The following GYPB variants were observed in gnomAD, a reference collection of about 807,000 sequenced individuals.
GYPB encodes glycophorin B (MNS blood group).
GYPB carries 13 observed loss-of-function variants against 15.3 expected under a neutral mutation model. The observed-to-expected ratio is 0.85, with a 90% CI of 0.55 to 1.35. The LOEUF (loss-of-function observed/expected upper bound fraction) is 1.35, where lower values mean the gene tolerates loss of function less well. GYPB is among the 40% of genes most tolerant of loss of function. The probability of loss-of-function intolerance (pLI) is 0.00; values close to 1 mark genes in which losing one functional copy is unlikely to be tolerated. For missense variants in GYPB, 131 were observed against 108.3 expected (o/e 1.21, Z -0.93); for synonymous variants, 38 against 36.9 (o/e 1.03, Z -0.11).
intron 3 of GYPB, among the ~76,000 whole-genome samples, 163 bp from the exon 4 acceptor site, chr4:143,997,797 C>A (rs1727405368): frequency 6.6e-6 from 1 of 151,336 alleles, no homozygotes; most frequent in Admixed American, 6.6e-5. Flanking sequence ...GTGTGCTTTA[C>A]AGTAACCTTG....
In GYPB at chr4:143,997,598, A is replaced by C; in HGVS notation, c.212T>G (p.Met71Arg). 1 of 1,597,258 alleles carries C rather than the reference A, an allele frequency of 6.3e-7. No individual in the cohort carries two copies. ...VVIILIILCVMAGIIGTILLI... is the reference protein window; with the variant it reads ...VVIILIILCVRAGIIGTILLI... ...GAGGATCGTTCCAATAATACCAGCC[A>C]TCACACACAAAATAATGAGTATTAT... Residue 71 changes from methionine (M) to arginine (R), a missense_variant, in exon 4 of 5, where the codon ATG (methionine) becomes AGG (arginine). By Grantham distance (91) the Met-to-Arg change is moderately conservative (BLOSUM62 -1). Transcript: ENST00000502664.
intron 1 of GYPB, among the ~76,000 whole-genome samples, chr4:144,003,861 T>A (rs1413464984): frequency 6.6e-6 from 1 of 151,402 alleles, no homozygotes; most frequent in African/African-American, 2.5e-5. Flanking sequence ...GGCTTTAAAA[T>A]GTGTCCTAAG....
chr4:143,999,584 TC>T (rs1326995456), intron 2 of GYPB, 135 bp from the exon 3 acceptor site: 2 of 603,812 alleles, frequency 3.3e-6, no homozygotes, highest in Non-Finnish European at 6.0e-6. Flanking sequence ...ACTTTCAACA[TC>T]TAGCTAGTAA....
Position 143,999,736 on chromosome 4 carries a change from A to C in GYPB, c.137-287T>G, listed in dbSNP as rs1579048083. ...GGAATGAGAAAGTATTGGAAGAATC[A>C]CTTATTGACTTACACAAGAAGCAAT... is the stretch of plus-strand genomic sequence containing the variant. On this transcript the variant is annotated intron_variant, in intron 2 of 4. Transcript: ENST00000502664. Among the ~76,000 whole-genome samples the C allele has an allele frequency of 2.0e-5, 3 of 151,600 alleles. No individual in the cohort carries two copies. In the South Asian group the frequency reaches 6.2e-4, roughly 31 times the overall value.
chr4:144,002,356 C>T (rs1336962352), intron 1 of GYPB, among the ~76,000 whole-genome samples: 1 of 151,364 alleles, frequency 6.6e-6, no homozygotes, highest in African/African-American at 2.5e-5. Context: ...ATAATGTTTA[C>T]AAGTCTGACT....
chr4:144,019,200 T>G, intron 1 of GYPB, 51 bp downstream of exon 1: 1 of 1,608,580 alleles, frequency 6.2e-7, no homozygotes, highest in South Asian at 1.1e-5. Flanking sequence ...TATTTTATTC[T>G]ATGATCTCAT....
intron 1 of GYPB, among the ~76,000 whole-genome samples, chr4:144,008,860 G>T (rs1200256386): frequency 2.6e-5 from 4 of 151,460 alleles, no homozygotes; most frequent in Non-Finnish European, 5.9e-5. Flanking sequence ...GGATTCTGAT[G>T]TGCGGCCAGC....
At chr4:143,998,421 A>G (rs1310484709) in intron 3 of GYPB, among the ~76,000 whole-genome samples, 6 of 151,354 alleles carry the variant, frequency 4.0e-5, no homozygotes, top group Non-Finnish European at 8.8e-5. Flanking sequence ...ATTATTCACA[A>G]AAAGTAAAAG....
chr4:144,017,613 AT>A (rs5862682), intron 1 of GYPB, among the ~76,000 whole-genome samples: 35 of 151,120 alleles, frequency 2.3e-4, no homozygotes, highest in African/African-American at 6.7e-4. Context: ...AGTTGTAGAA[AT>A]TTAAAAAAAA....
chr4:144,012,695 G>A (rs1728278469), intron 1 of GYPB: 1 of 151,450 alleles, frequency 6.6e-6, no homozygotes, highest in Non-Finnish European at 1.5e-5. Flanking sequence ...TTTCAAGAAG[G>A]GTGTCAAGAC....
At chr4:144,009,984 GC>G (rs889381651) in intron 1 of GYPB, among the ~76,000 whole-genome samples, 3 of 151,158 alleles carry the variant, frequency 2.0e-5, no homozygotes, top group African/African-American at 7.4e-5. Flanking sequence ...AAACTAGGGG[GC>G]CAGCCGTTCA....
At chr4:144,019,184 A>G in intron 1 of GYPB, 67 bp downstream of exon 1, 1 of 1,606,396 alleles carries the variant, frequency 6.2e-7, no homozygotes, top group Admixed American at 1.7e-5. Context: ...GAAATAGGGT[A>G]GTTCATATTT....
At chr4:144,006,706 C>T (rs1334407590) in intron 1 of GYPB, among the ~76,000 whole-genome samples, 16 of 151,878 alleles carry the variant, frequency 1.1e-4, no homozygotes, top group Non-Finnish European at 2.2e-4. Flanking sequence ...AAGGACACAC[C>T]CTTCATATGA....
chr4:143,997,698 G>T, intron 3 of GYPB, 64 bp from the exon 4 acceptor site: 1 of 834,330 alleles, frequency 1.2e-6, no homozygotes, highest in South Asian at 1.3e-5. Context: ...AGAAAAATAA[G>T]ACAGATAACA....
intron 1 of GYPB, among the ~76,000 whole-genome samples, chr4:144,001,789 C>A (rs1474881030): frequency 6.6e-6 from 1 of 150,840 alleles, no homozygotes; most frequent in Non-Finnish European, 1.5e-5. Flanking sequence ...TTATACAGAA[C>A]AAAAGTTCTG....
chr4:144,017,594 TG>T (rs1045925338), intron 1 of GYPB, among the ~76,000 whole-genome samples: 1 of 151,076 alleles, frequency 6.6e-6, no homozygotes, highest in African/African-American at 2.5e-5. Flanking sequence ...ATTCACTATC[TG>T]CTTGTGTAGT....
chr4:143,997,210 T>C (rs1422620446), intron 4 of GYPB: 1 of 171,106 alleles, frequency 5.8e-6, no homozygotes, highest in East Asian at 1.7e-4. Context: ...TAAATATTTT[T>C]TACACTAATA....
chr4:144,005,066 T>G (rs1727832322), intron 1 of GYPB, among the ~76,000 whole-genome samples: 1 of 151,970 alleles, frequency 6.6e-6, no homozygotes, highest in South Asian at 2.1e-4. Flanking sequence ...TAAATTAGCT[T>G]TCAAAAATCT....
chr4:144,007,825 A>G (rs559365498), intron 1 of GYPB, among the ~76,000 whole-genome samples: 6 of 151,404 alleles, frequency 4.0e-5, no homozygotes, highest in African/African-American at 1.2e-4. Flanking sequence ...TTTTCTTGAG[A>G]TAGGGTCTCA....
Sources: allele counts gnomAD v4.1 joint callset (sites outside exome capture counted in the v4.1 genomes callset), GRCh38; gene constraint gnomAD v4.1.1; transcripts MANE v1.5; gene names NCBI Gene and HGNC (gene_info 2026-07-23, HGNC 2026-07-21).